Variants in ITGA8 observed in about 807,000 individuals in gnomAD.
ITGA8 encodes the protein integrin subunit alpha 8, also known as integrin alpha-8.
In ITGA8, 91 loss-of-function variants were observed where a neutral mutation model predicts 142.3. The ratio of observed to expected loss-of-function variants is 0.64; its 90% CI spans 0.54 to 0.76. ITGA8 has a LOEUF of 0.76. Ranked by LOEUF, ITGA8 falls within the 30% of genes least tolerant of loss-of-function variation. The pLI is 0.00. For missense variants in ITGA8, 1,406 were observed against 1,327.7 expected, an observed-to-expected ratio of 1.06 and a Z score of -0.92; for synonymous variants, 505 against 485.2, an observed-to-expected ratio of 1.04 and a Z score of -0.54.
intron 26 of ITGA8, among the ~76,000 whole-genome samples, chr10:15,549,524 T>C (rs1334205073): frequency 6.6e-6 from 1 of 152,232 alleles, no homozygotes; most frequent in Non-Finnish European, 1.5e-5. Context: ...AATCAGATTT[T>C]CTAATCAGAT....
intron 20 of ITGA8, among the ~76,000 whole-genome samples, chr10:15,599,085 A>AT (rs3041566): frequency 0.46 from 68,704 of 150,742 alleles, 16,112 homozygotes; most frequent in Admixed American, 0.54. Flanking sequence ...TCTATAGTAA[A>AT]TTTTTTTTTT....
chr10:15,613,712 T>C lies in ITGA8; in HGVS notation c.1501A>G (p.Asn501Asp). 2 of 1,614,152 alleles carry C rather than the reference T, an allele frequency of 1.2e-6. No homozygotes were observed. Among genetic ancestry groups the C allele is most frequent in the Non-Finnish European group, 8.5e-7 (1 of 1,179,994 alleles). ...AQLLLHPMII[N>D]LENKTCQVPD... ...ACCTGGCAAGTTTTATTTTCAAGATTGATAATCATTGGGTGCAGCAGAAGC... is the reference window on the plus strand; with the variant it reads ...ACCTGGCAAGTTTTATTTTCAAGATCGATAATCATTGGGTGCAGCAGAAGC... The change falls in exon 15 of 30, where the codon AAT (asparagine) becomes GAT (aspartate). Residue 501 changes from asparagine (N) to aspartate (D), a missense_variant. Coordinates refer to ENST00000378076, the MANE Select transcript of ITGA8 (RefSeq NM_003638.3).
chr10:15,549,073 G>A (rs1833734590), intron 26 of ITGA8, among the ~76,000 whole-genome samples: 1 of 151,908 alleles, frequency 6.6e-6, no homozygotes, highest in Non-Finnish European at 1.5e-5. Context: ...TTTTTAATAG[G>A]TTTCTAGAAT....
intron 25 of ITGA8, among the ~76,000 whole-genome samples, chr10:15,561,599 A>G (rs992290864): frequency 9.9e-5 from 15 of 152,198 alleles, no homozygotes; most frequent in African/African-American, 3.1e-4. Flanking sequence ...AATTTAACAA[A>G]GTTTATAGAA....
chr10:15,568,164 T>G (rs1487118875), intron 25 of ITGA8, among the ~76,000 whole-genome samples: 1 of 152,118 alleles, frequency 6.6e-6, no homozygotes, highest in Non-Finnish European at 1.5e-5. Flanking sequence ...CCTCAAGTGA[T>G]CCTCCCACTT....
intron 1 of ITGA8, 78 bp from the exon 2 acceptor site, chr10:15,718,977 G>T (rs1443271112): frequency 6.3e-7 from 1 of 1,598,844 alleles, no homozygotes; most frequent in Non-Finnish European, 8.5e-7. Flanking sequence ...GTAACCTCCT[G>T]CCCGGGGACA....
At chr10:15,626,277 G>A (rs768672683) in intron 13 of ITGA8, among the ~76,000 whole-genome samples, 27 of 151,992 alleles carry the variant, frequency 1.8e-4, no homozygotes, top group Admixed American at 3.3e-4. Context: ...CTATTGCCCA[G>A]GCTGGAGTGC....
intron 27 of ITGA8, among the ~76,000 whole-genome samples, chr10:15,544,521 G>T (rs927845399): frequency 2.0e-5 from 3 of 152,108 alleles, no homozygotes; most frequent in South Asian, 2.1e-4. Flanking sequence ...TCAGCCCCAA[G>T]AAATGAATCT....
rs542000610 is a variant in ITGA8, at chr10:15,555,508, A to G, written c.2766+2566T>C. On this transcript the variant is annotated intron_variant, in intron 26 of 29. Transcript: ENST00000378076. ...GGAGGATGCCCCCTTGGGTCAGTGC[A>G]CCGTGGCACCTCAACAAGTCTAGGA... is the stretch of plus-strand genomic sequence containing the variant. Among the ~76,000 whole-genome samples the G allele has an allele frequency of 9.2e-5, 14 of 152,266 alleles. No homozygotes were observed. In the South Asian group the frequency reaches 2.9e-3, roughly 32 times the overall value.
intron 2 of ITGA8, among the ~76,000 whole-genome samples, chr10:15,688,656 C>G (rs994933251): frequency 1.3e-5 from 2 of 152,294 alleles, no homozygotes; most frequent in East Asian, 1.9e-4. Flanking sequence ...TGATCATGTT[C>G]AAGTGGGATT....
intron 20 of ITGA8, among the ~76,000 whole-genome samples, chr10:15,602,724 C>T (rs568603642): frequency 5.5e-5 from 8 of 146,208 alleles, no homozygotes; most frequent in Non-Finnish European, 9.1e-5. Flanking sequence ...GGAAACAGAG[C>T]AAGACCCTGT....
intron 16 of ITGA8, 55 bp downstream of exon 16, chr10:15,608,180 T>G: frequency 8.3e-7 from 1 of 1,210,716 alleles, no homozygotes; most frequent in Non-Finnish European, 1.2e-6. Context: ...GAGAAATGGT[T>G]ACTGTTCAAC....
At chr10:15,718,522 G>T (rs1319258188) in intron 2 of ITGA8, among the ~76,000 whole-genome samples, 1 of 152,142 alleles carries the variant, frequency 6.6e-6, no homozygotes, top group African/African-American at 2.4e-5. Flanking sequence ...AACAGGAGTT[G>T]CCAGGATGCA....
At chr10:15,665,237 G>A (rs1416955503) in intron 8 of ITGA8, among the ~76,000 whole-genome samples, 3 of 152,170 alleles carry the variant, frequency 2.0e-5, no homozygotes, top group Non-Finnish European at 4.4e-5. Flanking sequence ...ATCTCATTGT[G>A]GTTTTGATTT....
intron 11 of ITGA8, among the ~76,000 whole-genome samples, chr10:15,650,035 A>T (rs1050969899): frequency 2.0e-5 from 3 of 152,234 alleles, no homozygotes; most frequent in African/African-American, 7.2e-5. Flanking sequence ...AGCAACCAAG[A>T]TACTCTTCAA....
At chr10:15,519,962 T>C (rs1053152111) in intron 28 of ITGA8, among the ~76,000 whole-genome samples, 2 of 152,172 alleles carry the variant, frequency 1.3e-5, no homozygotes, top group South Asian at 2.1e-4. Context: ...CGAATTAGTG[T>C]CAATACTAGG....
rs1451304073 is a variant in ITGA8, at chr10:15,644,469, T to C, written c.1208-248A>G. On this transcript the variant is annotated intron_variant, in intron 12 of 29. Transcript: ENST00000378076. ...ATATATATATATATATATATATATA[T>C]ATATATATATATATATATATATAGA... 9.9e-4 allele frequency among the ~76,000 whole-genome samples: 17 copies of C among 17,122 alleles called. 1 individual carries two copies. The highest frequency in any genetic ancestry group is 9.8e-3 in the South Asian group (1 of 102). 11.2% of individuals were successfully genotyped at this position (17,122 alleles called of 152,430 possible). A position where few individuals can be genotyped will look rare whatever the true frequency, so the allele number is the denominator to read the frequency against.
At chr10:15,691,537 A>T (rs146645555) in intron 2 of ITGA8, among the ~76,000 whole-genome samples, 1 of 152,348 alleles carries the variant, frequency 6.6e-6, no homozygotes, top group Non-Finnish European at 1.5e-5. Context: ...TTGCTACAAC[A>T]TGGATGAACC....
At chr10:15,655,031 A>T (rs1564394151) in intron 11 of ITGA8, among the ~76,000 whole-genome samples, 2 of 152,322 alleles carry the variant, frequency 1.3e-5, no homozygotes, top group East Asian at 3.9e-4. Context: ...CTAGGGGAAA[A>T]TTCTAGGAGT....
Sources: gnomAD v4.1 joint callset for allele counts (sites outside exome capture counted in the v4.1 genomes callset) on GRCh38, gnomAD v4.1.1 for gene constraint, MANE v1.5 for transcripts, NCBI Gene and HGNC (gene_info 2026-07-23, HGNC 2026-07-21) for gene names.